Variants in GRIN2A observed in about 807,000 individuals in gnomAD.
The protein encoded by GRIN2A is glutamate ionotropic receptor NMDA type subunit 2A.
Under a neutral mutation model 113.4 loss-of-function variants are expected in GRIN2A, and 22 were observed. That is an observed-to-expected ratio of 0.19 (90% CI 0.14 to 0.28). The LOEUF (loss-of-function observed/expected upper bound fraction) is 0.28. Ranked by LOEUF, GRIN2A falls within the 10% of genes least tolerant of loss-of-function variation. The pLI is 1.00. For synonymous variants in GRIN2A, 827 were observed against 738.4 expected, an observed-to-expected ratio of 1.12 and a Z score of -1.94; for missense variants, 1,502 against 1,887.0, an observed-to-expected ratio of 0.80 and a Z score of 3.78.
intron 2 of GRIN2A, among the ~76,000 whole-genome samples, chr16:9,987,758 A>C (rs1312439629): frequency 6.6e-6 from 1 of 152,176 alleles, no homozygotes. Context: ...TTTTAGGAGG[A>C]TCTAGGTTGA....
At chr16:9,986,354 T>C (rs1035106856) in intron 2 of GRIN2A, among the ~76,000 whole-genome samples, 6 of 152,192 alleles carry the variant, frequency 3.9e-5, no homozygotes, top group Non-Finnish European at 7.4e-5. Context: ...AATAATAAGA[T>C]TGAAAAACTT....
intron 2 of GRIN2A, among the ~76,000 whole-genome samples, chr16:10,152,355 T>G (rs2142296534): frequency 6.6e-6 from 1 of 152,328 alleles, no homozygotes; most frequent in South Asian, 2.1e-4. Flanking sequence ...TTCATGCTGT[T>G]TTCTCCGGCT....
chr16:9,957,938 A>G (rs542225014), intron 2 of GRIN2A, among the ~76,000 whole-genome samples: 10 of 152,260 alleles, frequency 6.6e-5, no homozygotes, highest in Admixed American at 5.9e-4. Flanking sequence ...GGGCTTCCCC[A>G]AAGAACACGG....
intron 2 of GRIN2A, among the ~76,000 whole-genome samples, chr16:10,118,142 G>C (rs946207731): frequency 1.3e-5 from 2 of 152,214 alleles, no homozygotes; most frequent in African/African-American, 4.8e-5. Flanking sequence ...ATCTGCCAAA[G>C]ACTGAGTCTG....
In GRIN2A at chr16:9,760,310, C is replaced by T; in HGVS notation, c.*2839G>A. On this transcript the variant is annotated 3_prime_UTR_variant, in exon 13 of 13. Coordinates refer to ENST00000330684, the MANE Select transcript of GRIN2A (RefSeq NM_001134407.3). Reference sequence around the variant, plus strand: ...ATTCTTTTTGCAAAGACTGAACTGACTTAGATGACCTTTGAATAACTCTAC... The same window carrying T: ...ATTCTTTTTGCAAAGACTGAACTGATTTAGATGACCTTTGAATAACTCTAC... 1 of 204,916 alleles carries T rather than the reference C, an allele frequency of 4.9e-6. No individual in the cohort carries two copies. Among genetic ancestry groups the T allele is most frequent in the Non-Finnish European group, 9.8e-6 (1 of 102,262 alleles). The allele number at this position is 204,916 out of a possible 1,614,324, so 12.7% of individuals were successfully genotyped here.
rs1900718 is a variant in GRIN2A at position 10,112,795 on chromosome 16, G to C, written c.414+67203C>G. On this transcript the variant is annotated intron_variant, in intron 2 of 12. Transcript: ENST00000330684. ...CAGCATGGCTCCATGATGTACTCAG[G>C]AGAGCTCAAATTTGAGAAGTGGACC... 3 of 682,072 alleles carry C rather than the reference G, an allele frequency of 4.4e-6. No individual in the cohort carries two copies. The African/African-American group carries it at 5.3e-5, about 12-fold the overall frequency. The allele number at this position is 682,072 out of a possible 1,614,324, so 42.3% of individuals were successfully genotyped here.
At position 9,840,981 on chromosome 16, in the gene GRIN2A, C is replaced by T. The variant is rs2141345024; in HGVS notation, c.1452G>A (p.Lys484=). ...TYDLYLVTNG[K]HGKKVNNVWN... Reference sequence around the variant, plus strand: ...ACACATTGTTAACTTTCTTGCCATGCTTCCCATTGGTCACCAGATAGAGGT... The same window carrying T: ...ACACATTGTTAACTTTCTTGCCATGTTTCCCATTGGTCACCAGATAGAGGT... The change falls in exon 6 of 13, where the codon AAG becomes AAA. Residue 484 remains lysine (K), a synonymous_variant. Coordinates refer to ENST00000330684, the MANE Select transcript of GRIN2A (RefSeq NM_001134407.3). 6.2e-7 allele frequency: 1 copy of T among 1,613,928 alleles called. No individual in the cohort carries two copies.
At chr16:9,947,934 C>A (rs940842512) in intron 2 of GRIN2A, among the ~76,000 whole-genome samples, 4 of 152,090 alleles carry the variant, frequency 2.6e-5, no homozygotes, top group Admixed American at 1.3e-4. Context: ...AAAGAATCAA[C>A]CACAATGACA....
chr16:9,801,112 T>C (rs1438653601), intron 10 of GRIN2A, among the ~76,000 whole-genome samples: 1 of 152,162 alleles, frequency 6.6e-6, no homozygotes, highest in Non-Finnish European at 1.5e-5. Flanking sequence ...GCTGTGGTAT[T>C]CTAAGATTGT....
rs552542108 is a variant in GRIN2A at position 9,881,225 on chromosome 16, G to A, written c.1122+9761C>T. Among the ~76,000 whole-genome samples, 5 of 152,314 alleles carry A rather than the reference G, an allele frequency of 3.3e-5. No homozygotes were observed. The South Asian group carries it at 1.0e-3, about 32-fold the overall frequency. ...TGCCTTGTTATTCTCTCATTTGCCA[G>A]AAGTTATTCAAGATGCAACAAGATT... On this transcript the variant is annotated intron_variant, in intron 4 of 12. Transcript: ENST00000330684.
Position 9,762,615 on chromosome 16 carries a change from A to G in GRIN2A, c.*534T>C. On this transcript the variant is annotated 3_prime_UTR_variant, in exon 13 of 13. Coordinates refer to ENST00000330684, the MANE Select transcript of GRIN2A (RefSeq NM_001134407.3). ...GATGGAAGGCATAACAAGAAAGCTGAAACTGTTACGAGCCAAACTTCCTAA... is the reference window on the plus strand; with the variant it reads ...GATGGAAGGCATAACAAGAAAGCTGGAACTGTTACGAGCCAAACTTCCTAA... The G allele has an allele frequency of 4.2e-6, 1 of 240,034 alleles. No homozygotes were observed. Among genetic ancestry groups the G allele is most frequent in the East Asian group, 6.1e-5 (1 of 16,484 alleles). The allele number at this position is 240,034 out of a possible 1,614,324, so 14.9% of individuals were successfully genotyped here. A position where few individuals can be genotyped will look rare whatever the true frequency, so the allele number is the denominator to read the frequency against.
intron 2 of GRIN2A, among the ~76,000 whole-genome samples, chr16:10,161,478 T>C (rs1292678776): frequency 2.0e-5 from 3 of 152,218 alleles, no homozygotes; most frequent in Non-Finnish European, 4.4e-5. Context: ...TATTTCGCCT[T>C]AGTACCAACA....
At chr16:10,082,710 C>T (rs2048007727) in intron 2 of GRIN2A, among the ~76,000 whole-genome samples, 1 of 152,162 alleles carries the variant, frequency 6.6e-6, no homozygotes. Context: ...TCCTCATTTC[C>T]CATGAGATAA....
intron 2 of GRIN2A, among the ~76,000 whole-genome samples, chr16:10,165,662 A>T (rs1288914387): frequency 1.5e-5 from 2 of 132,406 alleles, no homozygotes; most frequent in South Asian, 2.8e-4. Flanking sequence ...AGAGACAGAG[A>T]GAGAGAGAAG....
intron 4 of GRIN2A, among the ~76,000 whole-genome samples, chr16:9,867,976 C>T (rs1283918812): frequency 1.3e-5 from 2 of 152,118 alleles, no homozygotes; most frequent in South Asian, 4.2e-4. Context: ...TATCTTCCAC[C>T]GTAAAAAATA....
chr16:9,791,270 T>C (rs1902590175), intron 11 of GRIN2A, among the ~76,000 whole-genome samples: 1 of 152,050 alleles, frequency 6.6e-6, no homozygotes, highest in African/African-American at 2.4e-5. Flanking sequence ...TGAGATGTCA[T>C]ATCAGGAAAT....
Position 9,783,225 on chromosome 16 carries a change from A to C in GRIN2A, c.2357-14136T>G, listed in dbSNP as rs1421985373. Among the ~76,000 whole-genome samples the C allele has an allele frequency of 2.0e-5, 3 of 152,184 alleles. No individual in the cohort carries two copies. The East Asian group carries it at 5.8e-4, about 29-fold the overall frequency. ...TCCACATAAAAAATTAGACTCAATC[A>C]ACGGTCTTTAGCTGCACTTTCCCCG... On this transcript the variant is annotated intron_variant, in intron 11 of 12. Coordinates refer to ENST00000330684, the MANE Select transcript of GRIN2A (RefSeq NM_001134407.3).
At chr16:10,027,200 C>T (rs1056360386) in intron 2 of GRIN2A, among the ~76,000 whole-genome samples, 3 of 152,194 alleles carry the variant, frequency 2.0e-5, no homozygotes, top group Non-Finnish European at 4.4e-5. Context: ...TAGCCCTCCC[C>T]AACACCTAGC....
rs756428014 is a variant in GRIN2A, at chr16:9,768,890, C to T, written c.2556G>A (p.Val852=). Residue 852 remains valine (V), a synonymous_variant, in exon 12 of 13, where the codon GTG becomes GTA. Transcript: ENST00000330684. ...AGAGCAACCCAGGCCGGTCGGAGCA[C>T]ACGCCCGTGAAACAGAAGCGCAGCT... The part of the protein sequence containing the change: ...YWKLRFCFTG[V]CSDRPGLLFS... 1.9e-6 allele frequency: 3 copies of T among 1,614,192 alleles called. No homozygotes were observed. Among genetic ancestry groups the T allele is most frequent in the Non-Finnish European group, 1.7e-6 (2 of 1,180,014 alleles).
Sources: allele counts gnomAD v4.1 joint callset (sites outside exome capture counted in the v4.1 genomes callset), GRCh38; gene constraint gnomAD v4.1.1; transcripts MANE v1.5; gene names NCBI Gene and HGNC (gene_info 2026-07-23, HGNC 2026-07-21).